Variants in TNFAIP8 observed in about 807,000 individuals in gnomAD.
TNFAIP8 encodes the protein TNF alpha induced protein 8.
A neutral mutation model predicts 13.3 loss-of-function variants in TNFAIP8; 7 were observed. The observed-to-expected ratio is 0.52, with a 90% confidence interval of 0.30 to 0.99. The LOEUF (loss-of-function observed/expected upper bound fraction) is 0.99. Among genes scored for constraint, TNFAIP8 ranks in the 50% least tolerant of loss-of-function variants. The probability of loss-of-function intolerance (pLI) is 0.07; values close to 1 mark genes in which losing one functional copy is unlikely to be tolerated. For missense variants in TNFAIP8, 258 were observed against 236.9 expected, an observed-to-expected ratio of 1.09 and a Z score of -0.58; for synonymous variants, 94 against 87.6, an observed-to-expected ratio of 1.07 and a Z score of -0.41.
Position 119,393,151 on chromosome 5 carries a change from T to A in TNFAIP8, c.367T>A (p.Phe123Ile). ...VVSFHQVDYT[F>I]DRNVLSRLLN... ...CAGTTTCCATCAGGTGGATTATACC[T>A]TTGACCGGAATGTGTTATCCAGGCT... is the stretch of plus-strand genomic sequence containing the variant. The change falls in exon 2 of 2, where the codon TTT (phenylalanine) becomes ATT (isoleucine). Residue 123 changes from phenylalanine (F) to isoleucine (I), a missense_variant. Phe to Ile is a conservative substitution (Grantham distance 21). Transcript: ENST00000504771. 6.2e-7 allele frequency: 1 copy of A among 1,614,038 alleles called. No individual in the cohort carries two copies.
chr5:119,297,892 G>T (rs1252035000), intron 1 of TNFAIP8, among the ~76,000 whole-genome samples: 1 of 152,054 alleles, frequency 6.6e-6, no homozygotes, highest in Non-Finnish European at 1.5e-5. Context: ...ATCTTTGTTG[G>T]TTTAAAGTCT....
intron 1 of TNFAIP8, among the ~76,000 whole-genome samples, chr5:119,373,495 C>G (rs1258769792): frequency 6.6e-6 from 1 of 152,134 alleles, no homozygotes; most frequent in Non-Finnish European, 1.5e-5. Flanking sequence ...GAGGAGTATG[C>G]AATGTGGAAG....
chr5:119,327,234 A>G (rs977774399), intron 1 of TNFAIP8, among the ~76,000 whole-genome samples: 2 of 152,120 alleles, frequency 1.3e-5, no homozygotes, highest in African/African-American at 4.8e-5. Flanking sequence ...TGTTAGGCTG[A>G]GGCGGATGGG....
At chr5:119,323,647 T>G (rs1235923505) in intron 1 of TNFAIP8, among the ~76,000 whole-genome samples, 1 of 152,222 alleles carries the variant, frequency 6.6e-6, no homozygotes, top group Non-Finnish European at 1.5e-5. Flanking sequence ...TTATTAAAAA[T>G]GGACTAAAAG....
At chr5:119,339,323 C>T (rs974934243) in intron 1 of TNFAIP8, among the ~76,000 whole-genome samples, 2 of 152,064 alleles carry the variant, frequency 1.3e-5, no homozygotes, top group Non-Finnish European at 2.9e-5. Flanking sequence ...TGCCTAAACT[C>T]GTCACTCTGT....
Position 119,281,306 on chromosome 5 carries a change from A to ACACACACACACACACACTCTCTCTCT in TNFAIP8, c.1+12400_1+12401insACACACACACACACACTCTCTCTCTC. 2.3e-3 allele frequency among the ~76,000 whole-genome samples: 264 copies of ACACACACACACACACACTCTCTCTCT among 114,192 alleles called. 1 individual carries two copies. The highest frequency in any genetic ancestry group is 7.1e-3 in the African/African-American group (234 of 32,850). The allele number at this position is 114,192 out of a possible 152,430, so 74.9% of individuals were successfully genotyped here. On this transcript the variant is annotated intron_variant, in intron 1 of 1. Transcript: ENST00000274456. ...CACACATACACACACACACACACACACTCTCTCTCTCTCACACTTACATGC... is the reference window on the plus strand; with the variant it reads ...CACACATACACACACACACACACACACACACACACACACACACTCTCTCTCTCTCTCTCTCTCTCACACTTACATGC...
chr5:119,331,036 A>G (rs1478427837), intron 1 of TNFAIP8, among the ~76,000 whole-genome samples: 1 of 151,908 alleles, frequency 6.6e-6, no homozygotes, highest in East Asian at 1.9e-4. Flanking sequence ...TTCAGCCACT[A>G]GGCCACCAGG....
chr5:119,297,790 C>A (rs775960909), intron 1 of TNFAIP8, among the ~76,000 whole-genome samples: 2 of 152,136 alleles, frequency 1.3e-5, no homozygotes, highest in Non-Finnish European at 2.9e-5. Flanking sequence ...GTGGGTGCTC[C>A]TGTATTGGGC....
chr5:119,275,124 A>G (rs1748400109), intron 1 of TNFAIP8, among the ~76,000 whole-genome samples: 1 of 152,142 alleles, frequency 6.6e-6, no homozygotes. Flanking sequence ...AACATATAAA[A>G]TGAACACCTA....
chr5:119,299,988 C>G (rs898858616), intron 1 of TNFAIP8, among the ~76,000 whole-genome samples: 1 of 152,226 alleles, frequency 6.6e-6, no homozygotes, highest in Non-Finnish European at 1.5e-5. Context: ...GTGGGAGTGA[C>G]CCGATTTTCC....
chr5:119,283,372 C>T (rs1748690876), intron 1 of TNFAIP8, among the ~76,000 whole-genome samples: 1 of 152,124 alleles, frequency 6.6e-6, no homozygotes, highest in African/African-American at 2.4e-5. Flanking sequence ...GTGGCCCAAA[C>T]CTGAAGTCCC....
chr5:119,282,483 T>C (rs1251378815), intron 1 of TNFAIP8, among the ~76,000 whole-genome samples: 1 of 152,224 alleles, frequency 6.6e-6, no homozygotes, highest in Non-Finnish European at 1.5e-5. Context: ...CACCCATTGG[T>C]TCTGGGTTGT....
intron 1 of TNFAIP8, among the ~76,000 whole-genome samples, chr5:119,295,507 G>C (rs1461642154): frequency 6.6e-6 from 1 of 152,046 alleles, no homozygotes; most frequent in Non-Finnish European, 1.5e-5. Context: ...TTTGGTACCA[G>C]TACCATGCTG....
rs1379979907 is a variant in TNFAIP8, at chr5:119,393,248, TTAA to T, written c.469_471del (p.Asn157del). Reference sequence around the variant, plus strand: ...CTCACTGCCAAGTCACATGGACGGGTTAATAATGTGTTTGATCATTTTTCAGAT... The same window carrying T: ...CTCACTGCCAAGTCACATGGACGGGTTAATGTGTTTGATCATTTTTCAGAT... On this transcript the variant is annotated inframe_deletion, in exon 2 of 2. Coordinates refer to ENST00000504771, the MANE Select transcript of TNFAIP8 (RefSeq NM_014350.4). 6.2e-7 allele frequency: 1 copy of T among 1,613,994 alleles called. No homozygotes were observed. The highest frequency in any genetic ancestry group is 1.3e-5 in the African/African-American group (1 of 75,036).
At chr5:119,373,604 GTCT>G (rs1752169709) in intron 1 of TNFAIP8, among the ~76,000 whole-genome samples, 1 of 152,208 alleles carries the variant, frequency 6.6e-6, no homozygotes, top group African/African-American at 2.4e-5. Context: ...CAGAAGGGCT[GTCT>G]GTGGCTGAGA....
intron 1 of TNFAIP8, among the ~76,000 whole-genome samples, chr5:119,299,680 G>T (rs574978496): frequency 6.6e-6 from 1 of 152,340 alleles, no homozygotes; most frequent in African/African-American, 2.4e-5. Flanking sequence ...GGTTACTGCT[G>T]TCTTTTTGTT....
chr5:119,313,456 C>T lies in TNFAIP8; in HGVS notation c.1+44549C>T, dbSNP rs149318403. Reference sequence around the variant, plus strand: ...CTTGAGACCACCATTGCCAGAGCTGCCAAACCCCCAAATCCAGAGATGTTA... The same window carrying T: ...CTTGAGACCACCATTGCCAGAGCTGTCAAACCCCCAAATCCAGAGATGTTA... On this transcript the variant is annotated intron_variant, in intron 1 of 1. Transcript: ENST00000274456. 1.3e-3 allele frequency among the ~76,000 whole-genome samples: 200 copies of T among 152,262 alleles called. 3 individuals are homozygous for T. In the East Asian group the frequency reaches 0.036, roughly 28 times the overall value.
chr5:119,377,413 A>AT (rs1252592435), intron 1 of TNFAIP8, among the ~76,000 whole-genome samples: 5 of 152,130 alleles, frequency 3.3e-5, no homozygotes, highest in Non-Finnish European at 7.4e-5. Flanking sequence ...AAGTAAAAAA[A>AT]AAATAAAAAA....
intron 1 of TNFAIP8, among the ~76,000 whole-genome samples, chr5:119,339,457 GTTTTT>G (rs397884992): frequency 8.6e-6 from 1 of 116,214 alleles, no homozygotes; most frequent in African/African-American, 3.2e-5. Flanking sequence ...CTCTTGTGGT[GTTTTT>G]TTTTTTTTTT....
Sources: allele counts gnomAD v4.1 joint callset (sites outside exome capture counted in the v4.1 genomes callset), GRCh38; gene constraint gnomAD v4.1.1; transcripts MANE v1.5; gene names NCBI Gene and HGNC (gene_info 2026-07-23, HGNC 2026-07-21).